The following DNAH5 variants were observed in gnomAD, a reference collection of about 807,000 sequenced individuals.
DNAH5 encodes the protein axonemal beta dynein heavy chain 5.
Under a neutral mutation model 518.2 loss-of-function variants are expected in DNAH5, and 372 were observed. The observed-to-expected ratio is 0.72, with a 90% CI of 0.66 to 0.78. DNAH5 has a LOEUF of 0.78. Among genes scored for constraint, DNAH5 ranks in the 30% least tolerant of loss-of-function variants. DNAH5 has a pLI of 0.00. For missense variants in DNAH5, 5,523 were observed against 5,687.0 expected, an observed-to-expected ratio of 0.97 and a Z score of 0.93; for synonymous variants, 2,039 against 2,025.9, an observed-to-expected ratio of 1.01 and a Z score of -0.17.
intron 30 of DNAH5, among the ~76,000 whole-genome samples, chr5:13,852,971 C>T (rs1561434655): frequency 1.3e-5 from 2 of 152,222 alleles, no homozygotes; most frequent in East Asian, 3.8e-4. Context: ...TTCCTGCCTG[C>T]CAGCTCTGAA....
intron 1 of DNAH5, among the ~76,000 whole-genome samples, chr5:13,959,637 C>G (rs1190186119): frequency 2.6e-5 from 4 of 152,202 alleles, no homozygotes; most frequent in Non-Finnish European, 5.9e-5. Flanking sequence ...TCATTCCTTA[C>G]CCCAAGTCCT....
chr5:13,983,942 T>A (rs1238628137), intron 1 of DNAH5, among the ~76,000 whole-genome samples: 3 of 152,158 alleles, frequency 2.0e-5, no homozygotes, highest in African/African-American at 7.2e-5. Flanking sequence ...CATGACTTAA[T>A]CCCCAGAACC....
At chr5:13,869,663 A>T (rs1769794630) in intron 24 of DNAH5, among the ~76,000 whole-genome samples, 1 of 152,224 alleles carries the variant, frequency 6.6e-6, no homozygotes, top group Non-Finnish European at 1.5e-5. Context: ...CACAGACATT[A>T]AAAGGAGCTG....
intron 1 of DNAH5, among the ~76,000 whole-genome samples, chr5:14,001,518 C>G (rs1455367729): frequency 6.6e-6 from 1 of 151,894 alleles, no homozygotes; most frequent in Non-Finnish European, 1.5e-5. Flanking sequence ...CGCCCGCCAC[C>G]ACACCCAGCT....
At chr5:13,836,682 G>A (rs896005575) in intron 35 of DNAH5, among the ~76,000 whole-genome samples, 1 of 152,210 alleles carries the variant, frequency 6.6e-6, no homozygotes, top group Admixed American at 6.5e-5. Flanking sequence ...CCCAAAATAC[G>A]TTCTAATCTC....
chr5:13,786,054 A>G (rs1755934693), intron 52 of DNAH5, 125 bp downstream of exon 52: 1 of 931,056 alleles, frequency 1.1e-6, no homozygotes, highest in East Asian at 2.6e-5. Context: ...ATTGGAATAT[A>G]GCATGGAGTC....
At chr5:13,900,087 T>C in intron 15 of DNAH5, 119 bp downstream of exon 15, 1 of 937,552 alleles carries the variant, frequency 1.1e-6, no homozygotes, top group East Asian at 2.6e-5. Flanking sequence ...CACTGTCCCC[T>C]CAGTCACTCC....
Position 13,914,540 on chromosome 5 carries a change from A to G in DNAH5, c.1300T>C (p.Ser434Pro). The G allele has an allele frequency of 6.2e-7, 1 of 1,613,352 alleles. No homozygotes were observed. Among genetic ancestry groups the G allele is most frequent in the South Asian group, 1.1e-5 (1 of 91,064 alleles). The change falls in exon 10 of 79, where the codon TCT becomes CCT. Residue 434 changes from serine to proline, a missense_variant. Ser to Pro is a moderately conservative substitution (Grantham distance 74). Coordinates refer to ENST00000265104, the MANE Select transcript of DNAH5 (RefSeq NM_001369.3). Reference protein sequence around the residue: ...PQDVVEEKILSAIKLKQEYQL... With the variant: ...PQDVVEEKILPAIKLKQEYQL... ...ATTACCTGTTTCAGTTTAATCGCAG[A>G]TAGTATTTTTTCTTCAACAACATCC...
At chr5:13,973,416 A>G (rs1341245353) in intron 1 of DNAH5, among the ~76,000 whole-genome samples, 1 of 152,190 alleles carries the variant, frequency 6.6e-6, no homozygotes, top group Non-Finnish European at 1.5e-5. Context: ...ACAACCACTA[A>G]GTCTTCGAGA....
At chr5:14,002,267 A>T (rs1784407278) in intron 1 of DNAH5, among the ~76,000 whole-genome samples, 1 of 152,206 alleles carries the variant, frequency 6.6e-6, no homozygotes, top group Non-Finnish European at 1.5e-5. Flanking sequence ...ATTCAGATGC[A>T]TAGTTCTAAT....
At chr5:13,804,630 G>C (rs540957163) in intron 47 of DNAH5, among the ~76,000 whole-genome samples, 5 of 152,224 alleles carry the variant, frequency 3.3e-5, no homozygotes, top group Non-Finnish European at 5.9e-5. Flanking sequence ...GCACGAAACA[G>C]AGTGGATGAT....
At chr5:13,727,703 T>A (rs1465352400) in intron 69 of DNAH5, 47 bp from the exon 70 acceptor site, 2 of 1,606,538 alleles carry the variant, frequency 1.2e-6, no homozygotes, top group African/African-American at 1.3e-5. Context: ...CCCAACAATC[T>A]TTCAGTAACA....
chr5:13,918,210 C>A (rs1394316041), intron 7 of DNAH5, among the ~76,000 whole-genome samples: 3 of 152,198 alleles, frequency 2.0e-5, no homozygotes. Flanking sequence ...GGGAAGCCAG[C>A]TGCTATGTTC....
chr5:13,749,117 T>C (rs1041383159), intron 65 of DNAH5, among the ~76,000 whole-genome samples: 4 of 151,834 alleles, frequency 2.6e-5, no homozygotes, highest in African/African-American at 9.7e-5. Context: ...CTGCTGAAAA[T>C]CCATGAAAAT....
At chr5:13,996,968 T>C (rs776799101) in intron 1 of DNAH5, among the ~76,000 whole-genome samples, 3 of 152,196 alleles carry the variant, frequency 2.0e-5, no homozygotes, top group Non-Finnish European at 2.9e-5. Flanking sequence ...AGCAGTTCTC[T>C]GCCCAGACTC....
chr5:13,750,943 G>T, intron 65 of DNAH5, 135 bp downstream of exon 65: 1 of 972,242 alleles, frequency 1.0e-6, no homozygotes, highest in Non-Finnish European at 1.6e-6. Flanking sequence ...GAAAACACTT[G>T]GAGATTAATG....
intron 1 of DNAH5, among the ~76,000 whole-genome samples, chr5:13,938,826 A>T (rs1400083331): frequency 6.6e-6 from 1 of 152,238 alleles, no homozygotes; most frequent in African/African-American, 2.4e-5. Context: ...GAAACCAAGG[A>T]CATGGATTTG....
At chr5:13,794,810 A>T (rs1029645566) in intron 47 of DNAH5, among the ~76,000 whole-genome samples, 3 of 151,450 alleles carry the variant, frequency 2.0e-5, no homozygotes, top group African/African-American at 7.3e-5. Flanking sequence ...CTAAAAATAC[A>T]AAAAAAATTA....
chr5:13,927,448 G>C (rs935203498), intron 3 of DNAH5, among the ~76,000 whole-genome samples: 3 of 152,270 alleles, frequency 2.0e-5, no homozygotes, highest in Admixed American at 2.0e-4. Context: ...GGTAGAGGTT[G>C]CGGGGAGCCA....
Sources: gnomAD v4.1 joint callset for allele counts (sites outside exome capture counted in the v4.1 genomes callset) on GRCh38, gnomAD v4.1.1 for gene constraint, MANE v1.5 for transcripts, NCBI Gene and HGNC (gene_info 2026-07-23, HGNC 2026-07-21) for gene names.